The following MAD2L2 variants were observed in gnomAD, a reference collection of about 807,000 sequenced individuals.
MAD2L2 encodes mitotic spindle assembly checkpoint protein MAD2B.
A neutral mutation model predicts 30.5 loss-of-function variants in MAD2L2; 17 were observed. That is an observed-to-expected ratio of 0.56 (90% CI 0.38 to 0.84). The LOEUF is 0.84. MAD2L2 is among the 40% of genes least tolerant of loss of function. MAD2L2 has a pLI of 0.00. For missense variants in MAD2L2, 213 were observed against 277.4 expected (o/e 0.77, Z 1.65); for synonymous variants, 101 against 113.9 (o/e 0.89, Z 0.72).
chr1:11,674,822 G>T lies in MAD2L2; in HGVS notation c.595-6C>A. ...TCTTCCACGTAAAGCTGCATCTGAC[G>T]GACACAAGCAAACAGCCACAGTCAG... On this transcript the variant is annotated splice_polypyrimidine_tract_variant and splice_region_variant and intron_variant, in intron 8 of 8. Transcript: ENST00000376692. This position sits in a 1 kb window ranked among gnomAD's most constrained non-coding sequence, Gnocchi z 6.1. 1.2e-6 allele frequency: 2 copies of T among 1,613,640 alleles called. No homozygotes were observed. Among genetic ancestry groups the T allele is most frequent in the Non-Finnish European group, 1.7e-6 (2 of 1,179,970 alleles).
At chr1:11,680,008 TTTTTG>T in intron 3 of MAD2L2, among the ~76,000 whole-genome samples, 1 of 126,486 alleles carries the variant, frequency 7.9e-6, no homozygotes, top group Non-Finnish European at 1.7e-5. Context: ...TTTTTTTTTT[TTTTTG>T]AGACGGAGTT....
Position 11,690,435 on chromosome 1 carries a change from T to C in MAD2L2, c.-692+978A>G, listed in dbSNP as rs922021361. ...CCAGACCTTAGAAACGTTATCTCCT[T>C]ACACAGGGCACTGCATTCACGCCTA... On this transcript the variant is annotated intron_variant, in intron 1 of 10. Coordinates refer to the MAD2L2 transcript ENST00000235310. This position sits in a 1 kb window ranked among gnomAD's most constrained non-coding sequence, Gnocchi z 4.2. Among the ~76,000 whole-genome samples the C allele has an allele frequency of 3.3e-5, 5 of 152,178 alleles. No individual in the cohort carries two copies. Among genetic ancestry groups the C allele is most frequent in the Non-Finnish European group, 5.9e-5 (4 of 68,042 alleles).
intron 1 of MAD2L2, among the ~76,000 whole-genome samples, chr1:11,689,247 A>G (rs992486329): frequency 2.8e-5 from 4 of 141,106 alleles, no homozygotes; most frequent in African/African-American, 1.1e-4. Flanking sequence ...GTGAGCCGAG[A>G]CTGTGCCACT....
At chr1:11,679,811 G>A (rs1245155810) in intron 3 of MAD2L2, among the ~76,000 whole-genome samples, 2 of 151,798 alleles carry the variant, frequency 1.3e-5, no homozygotes, top group Non-Finnish European at 2.9e-5. Flanking sequence ...ACAGGTGTGA[G>A]CCACCATGCC....
At chr1:11,684,242 C>T (rs546590439), upstream of MAD2L2, among the ~76,000 whole-genome samples, 26 of 152,270 alleles carry the variant, frequency 1.7e-4, no homozygotes, top group African/African-American at 5.8e-4. Context: ...TCCATCCATG[C>T]GCTCTTCAGC....
Position 11,674,862 on chromosome 1 carries a change from C to T in MAD2L2, c.595-46G>A. ...GCCACAGTCAGCAAGACAGCCAGGG[C>T]ATCCCTGCTGGAGGACACAGAAGCC... is the stretch of plus-strand genomic sequence containing the variant. On this transcript the variant is annotated intron_variant, in intron 8 of 8. Coordinates refer to ENST00000376692, the MANE Select transcript of MAD2L2 (RefSeq NM_006341.4). The surrounding 1 kb of genome is among the most constrained non-coding windows in gnomAD (Gnocchi z 6.1). 6.2e-7 allele frequency: 1 copy of T among 1,606,742 alleles called. No individual in the cohort carries two copies. The highest frequency in any genetic ancestry group is 1.1e-5 in the South Asian group (1 of 90,900).
chr1:11,689,580 C>A, intron 1 of MAD2L2, among the ~76,000 whole-genome samples: 1 of 150,860 alleles, frequency 6.6e-6, no homozygotes, highest in African/African-American at 2.4e-5. Context: ...TGGGTGAGAG[C>A]AAGACTCCCT....
At chr1:11,677,410 A>T in intron 4 of MAD2L2, 133 bp downstream of exon 4, 1 of 874,006 alleles carries the variant, frequency 1.1e-6, no homozygotes, top group Non-Finnish European at 1.9e-6. Context: ...TGCAGGGAAC[A>T]GGCTTCTGGG....
At chr1:11,689,066 C>T (rs537369098) in intron 1 of MAD2L2, among the ~76,000 whole-genome samples, 1 of 152,262 alleles carries the variant, frequency 6.6e-6, no homozygotes, top group African/African-American at 2.4e-5. Flanking sequence ...GAGGCCAAGG[C>T]AGGCAGATTG....
rs549273955 is a variant in MAD2L2 at position 11,687,242 on chromosome 1, C to T, written c.-692+4171G>A. Among the ~76,000 whole-genome samples, 2 of 151,888 alleles carry T rather than the reference C, an allele frequency of 1.3e-5. No individual in the cohort carries two copies. The highest frequency in any genetic ancestry group is 1.9e-4 in the East Asian group (1 of 5,156). On this transcript the variant is annotated intron_variant, in intron 1 of 10. Transcript: ENST00000235310. This position sits in a 1 kb window ranked among gnomAD's most constrained non-coding sequence, Gnocchi z 4.1. ...CATCACACCCAGCTAATTTTTATTT[C>T]ATTTATTTCTTTTTTGAGACGGAGT...
At position 11,689,416 on chromosome 1, in the gene MAD2L2, G is replaced by A. The variant is rs963030607; in HGVS notation, c.-692+1997C>T. 1.1e-4 allele frequency among the ~76,000 whole-genome samples: 17 copies of A among 151,978 alleles called. 1 individual carries two copies. The highest frequency in any genetic ancestry group is 3.9e-4 in the African/African-American group (16 of 41,346). On this transcript the variant is annotated intron_variant, in intron 1 of 10. Coordinates refer to the MAD2L2 transcript ENST00000235310. ...AGTTCAAGACCGGCCTGGCCAACAT[G>A]GTGAAACCCCATCTCTACTGAAAAC...
At chr1:11,682,140 T>C (rs188341023), upstream of MAD2L2, 21 of 152,340 alleles carry the variant, frequency 1.4e-4, no homozygotes, top group African/African-American at 5.1e-4. Flanking sequence ...TTACAGATGG[T>C]TAAACAGGCC....
At chr1:11,686,953 T>C (rs1254175065) in intron 1 of MAD2L2, among the ~76,000 whole-genome samples, 1 of 152,208 alleles carries the variant, frequency 6.6e-6, no homozygotes, top group African/African-American at 2.4e-5. Context: ...AACATTTTCA[T>C]CACTCCTGAT....
rs1467969392 is a variant in MAD2L2 at position 11,687,684 on chromosome 1, C to T, written c.-692+3729G>A. Reference sequence around the variant, plus strand: ...AGCCACTGCGCCTGACCTGGACTTGCCAATACGGAACATTCCATATAAAAG... The same window carrying T: ...AGCCACTGCGCCTGACCTGGACTTGTCAATACGGAACATTCCATATAAAAG... On this transcript the variant is annotated intron_variant, in intron 1 of 10. Transcript: ENST00000235310. This position sits in a 1 kb window ranked among gnomAD's most constrained non-coding sequence, Gnocchi z 4.1. Among the ~76,000 whole-genome samples, 1 of 152,222 alleles carries T rather than the reference C, an allele frequency of 6.6e-6. No homozygotes were observed. Among genetic ancestry groups the T allele is most frequent in the Non-Finnish European group, 1.5e-5 (1 of 68,042 alleles).
rs144746169 is a variant in MAD2L2, at chr1:11,686,761, C to T, written c.-692+4652G>A. Among the ~76,000 whole-genome samples, 44 of 146,822 alleles carry T rather than the reference C, an allele frequency of 3.0e-4. No individual in the cohort carries two copies. The East Asian group carries it at 7.3e-3, about 25-fold the overall frequency. ...GTGTCCAGATATATTCAGAAGCCAT[C>T]CTGGGCCACAAGGTAAGAACTTTTG... On this transcript the variant is annotated intron_variant, in intron 1 of 10. Transcript: ENST00000235310.
chr1:11,676,985 C>T (rs760891195), intron 4 of MAD2L2, 37 bp from the exon 5 acceptor site: 3 of 1,495,440 alleles, frequency 2.0e-6, no homozygotes, highest in South Asian at 1.1e-5. Flanking sequence ...GAGCCAGGCA[C>T]CCCACCCCGA....
upstream of MAD2L2, among the ~76,000 whole-genome samples, chr1:11,683,256 C>T (rs770441822): frequency 3.9e-5 from 6 of 152,138 alleles, no homozygotes; most frequent in Non-Finnish European, 7.4e-5. Context: ...AAACACAATA[C>T]GAGCCACCCG....
chr1:11,676,301 G>A (rs1640768278), intron 5 of MAD2L2, among the ~76,000 whole-genome samples, 161 bp from the exon 6 acceptor site: 1 of 152,180 alleles, frequency 6.6e-6, no homozygotes, highest in Admixed American at 6.5e-5. Flanking sequence ...AATTAAACCA[G>A]CAAGGGAGTT....
At chr1:11,675,791 C>T in intron 6 of MAD2L2, 60 bp from the exon 7 acceptor site, 1 of 1,372,256 alleles carries the variant, frequency 7.3e-7, no homozygotes, top group Non-Finnish European at 1.0e-6. Context: ...CCACTGGGCC[C>T]AGCCTCTTCC....
Sources: allele counts gnomAD v4.1 joint callset (sites outside exome capture counted in the v4.1 genomes callset), GRCh38; gene constraint gnomAD v4.1.1; non-coding constraint Gnocchi (gnomAD v3.1); transcripts MANE v1.5; gene names NCBI Gene and HGNC (gene_info 2026-07-23, HGNC 2026-07-21).